The following FIGN variants were observed in gnomAD, a reference collection of about 807,000 sequenced individuals.
The protein encoded by FIGN is fidgetin.
A neutral mutation model predicts 51.3 loss-of-function variants in FIGN; 11 were observed. That is an observed-to-expected ratio of 0.21 (90% CI 0.13 to 0.35). The LOEUF (loss-of-function observed/expected upper bound fraction) is 0.35. FIGN is among the 10% of genes least tolerant of loss of function. The pLI is 1.00. For synonymous variants in FIGN, 407 were observed against 363.2 expected (o/e 1.12, Z -1.37); for missense variants, 857 against 943.6 (o/e 0.91, Z 1.20).
At chr2:163,628,424 T>C (rs1231288934) in intron 2 of FIGN, among the ~76,000 whole-genome samples, 1 of 152,146 alleles carries the variant, frequency 6.6e-6, no homozygotes, top group East Asian at 1.9e-4. Context: ...CGTTAGAAGA[T>C]AGGACAGAAG....
intron 2 of FIGN, among the ~76,000 whole-genome samples, chr2:163,680,196 C>G (rs1013532363): frequency 2.0e-5 from 3 of 152,220 alleles, no homozygotes; most frequent in Non-Finnish European, 2.9e-5. Flanking sequence ...TGGGTGTACA[C>G]ATTAAAATTA....
chr2:163,725,707 TAAAAC>T (rs965814266), intron 2 of FIGN, among the ~76,000 whole-genome samples: 2 of 151,846 alleles, frequency 1.3e-5, no homozygotes, highest in Non-Finnish European at 2.9e-5. Flanking sequence ...TAAAACAAAA[TAAAAC>T]AAGACAAAAA....
At chr2:163,728,776 C>G in intron 2 of FIGN, among the ~76,000 whole-genome samples, 1 of 152,118 alleles carries the variant, frequency 6.6e-6, no homozygotes, top group East Asian at 1.9e-4. Flanking sequence ...GCCCCCACCC[C>G]ACCACACAAT....
At chr2:163,676,484 A>ATATATATATATATATCTATCTAT in intron 2 of FIGN, among the ~76,000 whole-genome samples, 1 of 55,730 alleles carries the variant, frequency 1.8e-5, no homozygotes, top group African/African-American at 5.0e-5. Context: ...TATATATATA[A>ATATATATATATATATCTATCTAT]CTAGAGTCTG....
At chr2:163,707,328 C>A (rs1684516110) in intron 2 of FIGN, among the ~76,000 whole-genome samples, 1 of 148,334 alleles carries the variant, frequency 6.7e-6, no homozygotes, top group South Asian at 2.2e-4. Context: ...TGCACTCCAC[C>A]CTAGCGACAG....
chr2:163,657,195 A>G (rs1004017672), intron 2 of FIGN, among the ~76,000 whole-genome samples: 3 of 151,966 alleles, frequency 2.0e-5, no homozygotes, highest in African/African-American at 7.3e-5. Context: ...AAAAAGAAAT[A>G]ATATTTCCAA....
In FIGN at chr2:163,624,026, T is replaced by G. The variant is rs556422438; in HGVS notation, c.26-12220A>C. 2.7e-5 allele frequency among the ~76,000 whole-genome samples: 4 copies of G among 147,614 alleles called. No individual in the cohort carries two copies. The South Asian group carries it at 8.6e-4, about 32-fold the overall frequency. On this transcript the variant is annotated intron_variant, in intron 2 of 2. Coordinates refer to ENST00000333129, the MANE Select transcript of FIGN (RefSeq NM_018086.4). The stretch of plus-strand genomic sequence containing the variant: ...CTTAAAGGCTTTTTACATTAACAGG[T>G]TTTTTTTTTCTATTTGAGTACTAAT...
At chr2:163,658,364 GCTCT>G (rs55894952) in intron 2 of FIGN, among the ~76,000 whole-genome samples, 10,555 of 137,324 alleles carry the variant, frequency 0.077, 432 homozygotes, top group Admixed American at 0.096. Flanking sequence ...TTAAGAAACA[GCTCT>G]CTCTCTCTCT....
chr2:163,675,518 C>A (rs1020009793), intron 2 of FIGN, among the ~76,000 whole-genome samples: 9 of 152,274 alleles, frequency 5.9e-5, no homozygotes, highest in Admixed American at 5.9e-4. Context: ...TGTAGCCCAA[C>A]AATCTGTACT....
At chr2:163,723,430 G>A (rs1401018020) in intron 2 of FIGN, among the ~76,000 whole-genome samples, 2 of 152,068 alleles carry the variant, frequency 1.3e-5, no homozygotes, top group Non-Finnish European at 2.9e-5. Flanking sequence ...GTAGGAGAAA[G>A]ATGATGGTAA....
chr2:163,681,016 A>C (rs1225174867), intron 2 of FIGN, among the ~76,000 whole-genome samples: 1 of 152,238 alleles, frequency 6.6e-6, no homozygotes, highest in East Asian at 1.9e-4. Flanking sequence ...CTTAAGCAAT[A>C]GTGCTGTTAT....
chr2:163,632,298 C>T (rs967307796), intron 2 of FIGN, among the ~76,000 whole-genome samples: 5 of 152,140 alleles, frequency 3.3e-5, no homozygotes, highest in African/African-American at 9.7e-5. Context: ...GTTCAAATAT[C>T]GAATTTCTAA....
At chr2:163,651,969 A>G (rs1683484334) in intron 2 of FIGN, among the ~76,000 whole-genome samples, 2 of 152,186 alleles carry the variant, frequency 1.3e-5, no homozygotes, top group Admixed American at 1.3e-4. Context: ...ATATTCATTG[A>G]TCAAAATGTG....
chr2:163,615,148 A>G (rs1682850141), intron 2 of FIGN, among the ~76,000 whole-genome samples: 1 of 152,202 alleles, frequency 6.6e-6, no homozygotes, highest in Non-Finnish European at 1.5e-5. Context: ...TGCTTACAAG[A>G]TAATTGAAAG....
intron 2 of FIGN, among the ~76,000 whole-genome samples, chr2:163,700,129 G>C (rs757570943): frequency 6.6e-6 from 1 of 152,116 alleles, no homozygotes; most frequent in Non-Finnish European, 1.5e-5. Context: ...CCTTGTGTTC[G>C]CATTTTGCAC....
At chr2:163,631,327 A>T (rs1683142612) in intron 2 of FIGN, among the ~76,000 whole-genome samples, 1 of 152,206 alleles carries the variant, frequency 6.6e-6, no homozygotes. Flanking sequence ...AGGGCTTAAG[A>T]ATTAAAAGCA....
At position 163,729,872 on chromosome 2, in the gene FIGN, A is replaced by G. The variant is rs139413087; in HGVS notation, c.25+5031T>C. Among the ~76,000 whole-genome samples the G allele has an allele frequency of 2.0e-4, 31 of 152,358 alleles. No homozygotes were observed. In the East Asian group the frequency reaches 5.6e-3, roughly 27 times the overall value. On this transcript the variant is annotated intron_variant, in intron 2 of 2. Coordinates refer to ENST00000333129, the MANE Select transcript of FIGN (RefSeq NM_018086.4). ...CCTGAAACAACAGCCCACCATATGC[A>G]ATGTTAAGCAAAGTGTCAATATTCA...
At chr2:163,645,728 C>T (rs543069953) in intron 2 of FIGN, among the ~76,000 whole-genome samples, 6 of 152,170 alleles carry the variant, frequency 3.9e-5, no homozygotes, top group Non-Finnish European at 7.3e-5. Context: ...TAGCTAGCCT[C>T]GCTCACATTA....
chr2:163,666,441 C>T (rs904950398), intron 2 of FIGN, among the ~76,000 whole-genome samples: 3 of 152,076 alleles, frequency 2.0e-5, no homozygotes, highest in African/African-American at 7.2e-5. Context: ...GGGAATAATA[C>T]GGACCATTAC....
Sources: gnomAD v4.1 joint callset for allele counts (sites outside exome capture counted in the v4.1 genomes callset) on GRCh38, gnomAD v4.1.1 for gene constraint, MANE v1.5 for transcripts, NCBI Gene and HGNC (gene_info 2026-07-23, HGNC 2026-07-21) for gene names.